The following CRYZL1 variants were observed in gnomAD, a reference collection of about 807,000 sequenced individuals.
CRYZL1 encodes the protein ferry endosomal RAB5 effector complex subunit 4.
CRYZL1 carries 34 observed loss-of-function variants against 50.6 expected under a neutral mutation model. The ratio of observed to expected loss-of-function variants is 0.67; its 90% CI spans 0.51 to 0.89. The LOEUF (loss-of-function observed/expected upper bound fraction) is 0.89, where lower values mean the gene tolerates loss of function less well. CRYZL1 is among the 40% of genes least tolerant of loss of function. The pLI is 0.00. For synonymous variants in CRYZL1, 125 were observed against 134.3 expected (o/e 0.93, Z 0.48); for missense variants, 354 against 402.3 (o/e 0.88, Z 1.03).
At position 33,602,365 on chromosome 21, in the gene CRYZL1, C is replaced by T; in HGVS notation, c.466-20G>A. ...AAATGCCTGTGTAGAAAAAAATATA[C>T]AGTGGGTGTATGGTTATAGAACAGA... On this transcript the variant is annotated intron_variant, in intron 7 of 12. Coordinates refer to ENST00000381554, the MANE Select transcript of CRYZL1 (RefSeq NM_145858.3). The T allele has an allele frequency of 8.4e-7, 1 of 1,185,036 alleles. No individual in the cohort carries two copies. The allele number at this position is 1,185,036 out of a possible 1,614,324, so 73.4% of individuals were successfully genotyped here.
rs766083958 is a variant in CRYZL1 at position 33,631,484 on chromosome 21, A to G, written c.66+2T>C. ...CTTTAATGATTAAACATTTTTTCTT[A>G]CCTTTTCTTGAAATACAAATGTTAT... On this transcript the variant is annotated splice_donor_variant, in intron 2 of 12. Transcript: ENST00000381554. LOFTEE classifies it high-confidence loss of function. 29 of 1,514,162 alleles carry G rather than the reference A, an allele frequency of 1.9e-5. No individual in the cohort carries two copies. The highest frequency in any genetic ancestry group is 2.5e-5 in the Non-Finnish European group (28 of 1,134,568). 93.8% of individuals were successfully genotyped at this position (1,514,162 alleles called of 1,614,324 possible). A position where few individuals can be genotyped will look rare whatever the true frequency, so the allele number is the denominator to read the frequency against.
chr21:33,620,576 C>T (rs1427957893), intron 4 of CRYZL1, among the ~76,000 whole-genome samples: 1 of 150,944 alleles, frequency 6.6e-6, no homozygotes, highest in East Asian at 1.9e-4. Context: ...TTTGGGAGGC[C>T]GATGTGGGCA....
At chr21:33,621,266 A>C (rs1355101549) in intron 4 of CRYZL1, among the ~76,000 whole-genome samples, 4 of 151,474 alleles carry the variant, frequency 2.6e-5, no homozygotes, top group African/African-American at 9.7e-5. Context: ...GTCTTGAGCA[A>C]CACATACAAT....
In CRYZL1 at chr21:33,589,800, T is replaced by G; in HGVS notation, c.*22A>C. On this transcript the variant is annotated 3_prime_UTR_variant, in exon 13 of 13. Transcript: ENST00000381554. ...AAATACTGGAATATGTTCATCCGAC[T>G]GAGGTCTGAGAAAGAAGAAAATTAA... 7.0e-7 allele frequency: 1 copy of G among 1,425,380 alleles called. No individual in the cohort carries two copies. The highest frequency in any genetic ancestry group is 9.9e-7 in the Non-Finnish European group (1 of 1,009,870). 88.3% of individuals were successfully genotyped at this position (1,425,380 alleles called of 1,614,324 possible). A position where few individuals can be genotyped will look rare whatever the true frequency, so the allele number is the denominator to read the frequency against.
intron 11 of CRYZL1, among the ~76,000 whole-genome samples, chr21:33,593,138 G>A (rs560402769): frequency 6.6e-6 from 1 of 151,506 alleles, no homozygotes; most frequent in East Asian, 1.9e-4. Flanking sequence ...ACGGAGTCTC[G>A]CTATGTTGCC....
intron 7 of CRYZL1, 132 bp downstream of exon 7, chr21:33,603,272 T>C (rs978459909): frequency 9.3e-6 from 10 of 1,076,484 alleles, no homozygotes; most frequent in Non-Finnish European, 1.3e-5. Flanking sequence ...TATAACAAAA[T>C]AGGACACTGG....
chr21:33,620,648 CA>C (rs2086984439), intron 4 of CRYZL1, among the ~76,000 whole-genome samples: 1 of 151,416 alleles, frequency 6.6e-6, no homozygotes, highest in Admixed American at 6.6e-5. Flanking sequence ...CCGTCTCTAC[CA>C]AAAAATACAA....
chr21:33,634,904 T>A lies in CRYZL1; in HGVS notation c.-6-3347A>T, dbSNP rs975394782. On this transcript the variant is annotated intron_variant, in intron 1 of 12. Transcript: ENST00000381554. ...CAATATATATATATATATATATATA[T>A]AAAATAATGGCAATATTTTTAGTCA... Among the ~76,000 whole-genome samples the A allele has an allele frequency of 3.9e-3, 532 of 135,426 alleles. 4 individuals are homozygous for A. The highest frequency in any genetic ancestry group is 0.013 in the African/African-American group (462 of 35,838). The allele number at this position is 135,426 out of a possible 152,430, so 88.8% of individuals were successfully genotyped here. A position where few individuals can be genotyped will look rare whatever the true frequency, so the allele number is the denominator to read the frequency against.
intron 5 of CRYZL1, 149 bp downstream of exon 5, chr21:33,616,557 G>A (rs1253561913): frequency 6.6e-7 from 1 of 1,507,588 alleles, no homozygotes; most frequent in Non-Finnish European, 9.0e-7. Context: ...CTCCCAACGT[G>A]CTGGGATTAC....
chr21:33,621,668 T>C (rs2087004202), intron 4 of CRYZL1, among the ~76,000 whole-genome samples: 1 of 152,008 alleles, frequency 6.6e-6, no homozygotes, highest in Admixed American at 6.6e-5. Context: ...TTTAAGAAAA[T>C]TCACGAATTT....
At chr21:33,641,051 A>G in intron 1 of CRYZL1, 1 of 1,366,798 alleles carries the variant, frequency 7.3e-7, no homozygotes, top group South Asian at 1.9e-5. Flanking sequence ...AGGGACTCGC[A>G]TTATATTTGT....
intron 4 of CRYZL1, among the ~76,000 whole-genome samples, chr21:33,618,799 G>A (rs540041969): frequency 4.6e-5 from 7 of 151,866 alleles, no homozygotes; most frequent in Non-Finnish European, 7.4e-5. Flanking sequence ...TCCTCCTAAG[G>A]TCACTCTGAC....
intron 6 of CRYZL1, among the ~76,000 whole-genome samples, chr21:33,611,021 G>A (rs933863228): frequency 2.6e-5 from 4 of 152,042 alleles, no homozygotes; most frequent in South Asian, 4.1e-4. Context: ...ATGAGCCACC[G>A]CGCCCAGCCA....
Position 33,620,242 on chromosome 21 carries a change from G to C in CRYZL1, c.217+1754C>G, listed in dbSNP as rs528930248. Among the ~76,000 whole-genome samples, 5 of 152,164 alleles carry C rather than the reference G, an allele frequency of 3.3e-5. 1 individual carries two copies. The highest frequency in any genetic ancestry group is 9.6e-5 in the African/African-American group (4 of 41,506). ...CATACCTTAACACATTTATTCATTC[G>C]CATAGGAGGTAAAAGCAAACACGTT... On this transcript the variant is annotated intron_variant, in intron 4 of 12. Transcript: ENST00000381554.
intron 6 of CRYZL1, among the ~76,000 whole-genome samples, chr21:33,612,679 G>A (rs1157262734): frequency 6.6e-6 from 1 of 152,170 alleles, no homozygotes; most frequent in Non-Finnish European, 1.5e-5. Context: ...TTACTTAGGA[G>A]ATGAAGCAAC....
intron 10 of CRYZL1, 24 bp downstream of exon 10, chr21:33,597,256 A>C: frequency 6.2e-7 from 1 of 1,610,864 alleles, no homozygotes; most frequent in Non-Finnish European, 8.5e-7. Context: ...TGTAATGGTA[A>C]CGCTTTATGG....
intron 9 of CRYZL1, among the ~76,000 whole-genome samples, chr21:33,598,087 A>G (rs2086714159): frequency 6.6e-6 from 1 of 152,216 alleles, no homozygotes; most frequent in Admixed American, 6.5e-5. Context: ...TAAAGATAAA[A>G]AGTCTATCTT....
At chr21:33,616,133 C>T (rs913088234) in intron 5 of CRYZL1, among the ~76,000 whole-genome samples, 2 of 150,634 alleles carry the variant, frequency 1.3e-5, no homozygotes, top group Non-Finnish European at 3.0e-5. Context: ...CTGTGTCCAT[C>T]TGATCTCATT....
intron 1 of CRYZL1, among the ~76,000 whole-genome samples, chr21:33,640,401 CGA>C (rs1284096324): frequency 4.6e-5 from 7 of 151,612 alleles, no homozygotes; most frequent in Non-Finnish European, 8.8e-5. Context: ...ATAACTGACC[CGA>C]GTTTGAATCG....
Sources: gnomAD v4.1 joint callset for allele counts (sites outside exome capture counted in the v4.1 genomes callset) on GRCh38, gnomAD v4.1.1 for gene constraint, MANE v1.5 for transcripts, NCBI Gene and HGNC (gene_info 2026-07-23, HGNC 2026-07-21) for gene names.